TTC13: variants seen among roughly 807,000 people sequenced by gnomAD.
TTC13 encodes the protein tetratricopeptide repeat domain 13.
A neutral mutation model predicts 120.0 loss-of-function variants in TTC13; 62 were observed. The observed-to-expected ratio is 0.52, with a 90% confidence interval of 0.42 to 0.64. TTC13 has a LOEUF of 0.64. Ranked by LOEUF, TTC13 falls within the 30% of genes least tolerant of loss-of-function variation. TTC13 has a pLI of 0.00. For synonymous variants in TTC13, 384 were observed against 393.5 expected (o/e 0.98, Z 0.28); for missense variants, 824 against 1,050.2 (o/e 0.78, Z 2.98).
intron 1 of TTC13, among the ~76,000 whole-genome samples, chr1:230,966,449 T>C (rs1420399095): frequency 5.1e-5 from 3 of 59,068 alleles, no homozygotes; most frequent in Non-Finnish European, 1.0e-4. Flanking sequence ...TATTAAACTA[T>C]GTGAAACTTC....
chr1:230,949,562 T>C lies in TTC13; in HGVS notation c.514-4108A>G, dbSNP rs532322799. ...CCTCCCCTCAAGTCACCCCATGGTC[T>C]CATCATTACTACAGCACTGAATTGA... On this transcript the variant is annotated intron_variant, in intron 4 of 22. Transcript: ENST00000366661. Among the ~76,000 whole-genome samples the C allele has an allele frequency of 4.0e-5, 6 of 151,394 alleles. No homozygotes were observed. In the East Asian group the frequency reaches 9.9e-4, roughly 25 times the overall value.
At chr1:230,917,439 C>T (rs1312164955) in intron 17 of TTC13, among the ~76,000 whole-genome samples, 8 of 152,128 alleles carry the variant, frequency 5.3e-5, no homozygotes, top group Non-Finnish European at 4.4e-5. Flanking sequence ...CTGACATACA[C>T]GTTAACTTGG....
At chr1:230,912,905 C>G (rs1371363337) in intron 18 of TTC13, 147 bp from the exon 19 acceptor site, 3 of 712,856 alleles carry the variant, frequency 4.2e-6, no homozygotes, top group Non-Finnish European at 6.7e-6. Context: ...TATAGACAAG[C>G]AAGGTAGGTT....
At chr1:230,945,580 A>G (rs1674917215) in intron 4 of TTC13, 126 bp from the exon 5 acceptor site, 3 of 821,642 alleles carry the variant, frequency 3.7e-6, no homozygotes. Context: ...GACCACTCGT[A>G]AGTCAATACG....
intron 18 of TTC13, among the ~76,000 whole-genome samples, chr1:230,913,176 T>C (rs531328034): frequency 3.1e-4 from 47 of 152,166 alleles, no homozygotes; most frequent in South Asian, 8.3e-4. Flanking sequence ...CATGGTTCTG[T>C]TTTTTATCAA....
intron 20 of TTC13, among the ~76,000 whole-genome samples, chr1:230,911,060 G>A (rs531494338): frequency 5.1e-4 from 77 of 152,208 alleles, no homozygotes; most frequent in Non-Finnish European, 6.9e-4. Flanking sequence ...ATAGTACAGA[G>A]TGACTGTTGG....
chr1:230,950,253 C>T (rs1675442262), intron 4 of TTC13, among the ~76,000 whole-genome samples: 1 of 151,716 alleles, frequency 6.6e-6, no homozygotes, highest in Non-Finnish European at 1.5e-5. Context: ...AATATTTATA[C>T]TTTATAAAGT....
At chr1:230,909,340 C>T (rs552198342) in intron 20 of TTC13, among the ~76,000 whole-genome samples, 24 of 150,720 alleles carry the variant, frequency 1.6e-4, no homozygotes, top group African/African-American at 5.9e-4. Flanking sequence ...ACTAAAAACA[C>T]AAAAATTAGG....
intron 4 of TTC13, among the ~76,000 whole-genome samples, chr1:230,951,006 A>G (rs6688281): frequency 1 from 152,295 of 152,306 alleles, 76,142 homozygotes; most frequent in Middle Eastern, 1. Context: ...AATGCAGACC[A>G]ACATCTATTA....
intron 1 of TTC13, among the ~76,000 whole-genome samples, chr1:230,968,428 T>C (rs1286637758): frequency 6.6e-6 from 1 of 152,166 alleles, no homozygotes; most frequent in Non-Finnish European, 1.5e-5. Flanking sequence ...TAATTTCCCT[T>C]ATTACCTCTT....
intron 15 of TTC13, 128 bp downstream of exon 15, chr1:230,923,713 G>T: frequency 1.4e-6 from 1 of 710,842 alleles, no homozygotes; most frequent in Non-Finnish European, 2.4e-6. Flanking sequence ...CAGGTGCAGA[G>T]TCAATCAGTA....
At chr1:230,924,040 T>C (rs1672826597) in intron 14 of TTC13, 107 bp from the exon 15 acceptor site, 5 of 706,438 alleles carry the variant, frequency 7.1e-6, no homozygotes, top group Non-Finnish European at 1.2e-5. Flanking sequence ...TAGTCCATCA[T>C]ATCTAAAAAC....
intron 1 of TTC13, among the ~76,000 whole-genome samples, chr1:230,971,802 G>A (rs192042619): frequency 6.6e-6 from 1 of 152,266 alleles, no homozygotes; most frequent in East Asian, 1.9e-4. Context: ...ACAGAAGAAG[G>A]ATGCCTTAAC....
intron 22 of TTC13, 57 bp from the exon 23 acceptor site, chr1:230,907,076 G>A: frequency 4.3e-6 from 3 of 692,416 alleles, no homozygotes; most frequent in South Asian, 2.4e-5. Flanking sequence ...TGCAAAAAAA[G>A]GGCAGAGCTT....
At chr1:230,927,311 T>C (rs1673131850) in intron 12 of TTC13, among the ~76,000 whole-genome samples, 1 of 152,190 alleles carries the variant, frequency 6.6e-6, no homozygotes, top group African/African-American at 2.4e-5. Flanking sequence ...GAAAAACTGC[T>C]TTCCAAAGTG....
chr1:230,953,664 C>G (rs1675791283), intron 4 of TTC13, among the ~76,000 whole-genome samples: 1 of 152,198 alleles, frequency 6.6e-6, no homozygotes. Flanking sequence ...TGGAAAGACA[C>G]ATCAACAATC....
At chr1:230,919,415 A>T (rs1307226713) in intron 17 of TTC13, among the ~76,000 whole-genome samples, 1 of 152,202 alleles carries the variant, frequency 6.6e-6, no homozygotes, top group Non-Finnish European at 1.5e-5. Flanking sequence ...TTATAACGGC[A>T]TGAATCCATT....
chr1:230,951,222 T>C (rs1456196018), intron 4 of TTC13, among the ~76,000 whole-genome samples: 2 of 152,174 alleles, frequency 1.3e-5, no homozygotes, highest in Non-Finnish European at 2.9e-5. Context: ...AAAATACCCT[T>C]TATATGTAGA....
At chr1:230,964,799 A>G (rs1009705476) in intron 1 of TTC13, among the ~76,000 whole-genome samples, 5 of 151,986 alleles carry the variant, frequency 3.3e-5, no homozygotes, top group African/African-American at 1.2e-4. Context: ...CTAATGGAAC[A>G]AAATAGAGAA....
Sources: allele counts gnomAD v4.1 joint callset (sites outside exome capture counted in the v4.1 genomes callset), GRCh38; gene constraint gnomAD v4.1.1; transcripts MANE v1.5; gene names NCBI Gene and HGNC (gene_info 2026-07-23, HGNC 2026-07-21).